The following KMT5B variants were observed in gnomAD, a reference collection of about 807,000 sequenced individuals.
KMT5B encodes lysine methyltransferase 5B.
Under a neutral mutation model 83.2 loss-of-function variants are expected in KMT5B, and 10 were observed. That is an observed-to-expected ratio of 0.12 (90% CI 0.07 to 0.20). The LOEUF is 0.20. KMT5B is among the 10% of genes least tolerant of loss of function. The pLI, the probability that KMT5B is intolerant of heterozygous loss-of-function variation, is 1.00. For synonymous variants in KMT5B, 349 were observed against 388.8 expected (o/e 0.90, Z 1.20); for missense variants, 753 against 1,067.2 (o/e 0.71, Z 4.10).
intron 1 of KMT5B, among the ~76,000 whole-genome samples, chr11:68,209,122 T>A (rs1054601134): frequency 6.6e-6 from 1 of 152,202 alleles, no homozygotes; most frequent in Non-Finnish European, 1.5e-5. Context: ...TTTCTCCATA[T>A]GATGCAACAT....
chr11:68,207,979 C>T (rs1404263588), intron 1 of KMT5B, among the ~76,000 whole-genome samples: 3 of 150,364 alleles, frequency 2.0e-5, no homozygotes, highest in South Asian at 4.2e-4. Context: ...GCAGGAATTA[C>T]AGGTGCCCAC....
Position 68,171,146 on chromosome 11 carries a change from C to A in KMT5B, c.846G>T (p.Val282=). ...NHDCRPNCKF[V]STGRDTACVK... ...CACATGCTGTATCTCGACCAGTTGA[C>A]ACAAACTAAAATAAAAGTAACTCAG... Residue 282 remains valine (V), a synonymous_variant, in exon 9 of 11, where the codon GTG becomes GTT. Transcript: ENST00000304363. This position sits in a 1 kb window ranked among gnomAD's most constrained non-coding sequence, Gnocchi z 5.1. The A allele has an allele frequency of 6.2e-7, 1 of 1,609,092 alleles. No homozygotes were observed. The highest frequency in any genetic ancestry group is 8.5e-7 in the Non-Finnish European group (1 of 1,178,986).
rs999850316 is a variant in KMT5B, at chr11:68,155,196, A to G, written c.*2492T>C. 1 of 152,224 alleles carries G rather than the reference A, an allele frequency of 6.6e-6. No individual in the cohort carries two copies. Among genetic ancestry groups the G allele is most frequent in the African/African-American group, 2.4e-5 (1 of 41,454 alleles). 9.4% of individuals were successfully genotyped at this position (152,224 alleles called of 1,614,324 possible). A position where few individuals can be genotyped will look rare whatever the true frequency, so the allele number is the denominator to read the frequency against. On this transcript the variant is annotated 3_prime_UTR_variant, in exon 11 of 11. Coordinates refer to ENST00000304363, the MANE Select transcript of KMT5B (RefSeq NM_017635.5). ...AGTTTTATTGAATGCAACCTCTTCT[A>G]AACTGGTCAACGGTGTGTGGCTGTC...
In KMT5B at chr11:68,171,841, TGG is replaced by T. The variant is rs140508162; in HGVS notation, c.654-134_654-133del. 1.4e-6 allele frequency: 1 copy of T among 714,296 alleles called. No homozygotes were observed. Among genetic ancestry groups the T allele is most frequent in the Non-Finnish European group, 2.3e-6 (1 of 438,954 alleles). 44.2% of individuals were successfully genotyped at this position (714,296 alleles called of 1,614,324 possible). A position where few individuals can be genotyped will look rare whatever the true frequency, so the allele number is the denominator to read the frequency against. On this transcript the variant is annotated intron_variant, in intron 6 of 10. Coordinates refer to ENST00000304363, the MANE Select transcript of KMT5B (RefSeq NM_017635.5). The surrounding 1 kb of genome is among the most constrained non-coding windows in gnomAD (Gnocchi z 5.1). ...GCTGTCTATACTTTAGTTAGCTCAC[TGG>T]GATCCCCACCTGGCTATCTTCTCTC...
intron 5 of KMT5B, chr11:68,174,345 A>G (rs1269084268): frequency 3.1e-6 from 1 of 321,294 alleles, no homozygotes; most frequent in Non-Finnish European, 6.1e-6. Context: ...GAACACCTCT[A>G]AACAAAAAAT....
chr11:68,197,282 C>CT (rs1189491576), intron 1 of KMT5B, among the ~76,000 whole-genome samples: 1 of 152,242 alleles, frequency 6.6e-6, no homozygotes, highest in Admixed American at 6.5e-5. Flanking sequence ...CATGGAAAGT[C>CT]TTTAAGTCCC....
intron 3 of KMT5B, 108 bp downstream of exon 3, chr11:68,185,673 C>G (rs1230839435): frequency 8.5e-7 from 1 of 1,178,136 alleles, no homozygotes; most frequent in East Asian, 2.5e-5. Context: ...CTGCAAAGAA[C>G]TTTCCTTTAA....
chr11:68,161,455 C>T (rs1177537737), intron 10 of KMT5B, among the ~76,000 whole-genome samples: 3 of 152,062 alleles, frequency 2.0e-5, no homozygotes, highest in Admixed American at 6.5e-5. Flanking sequence ...TTTGATTTCT[C>T]CTCTTTCCAT....
At chr11:68,163,549 C>T (rs1003909130) in intron 10 of KMT5B, among the ~76,000 whole-genome samples, 1 of 152,186 alleles carries the variant, frequency 6.6e-6, no homozygotes, top group Admixed American at 6.5e-5. Context: ...GACAAAAGAG[C>T]TGTGACCGAC....
Position 68,158,986 on chromosome 11 carries a change from A to G in KMT5B, c.1360T>C (p.Leu454=). The G allele has an allele frequency of 6.2e-7, 1 of 1,611,592 alleles. No individual in the cohort carries two copies. Among genetic ancestry groups the G allele is most frequent in the Admixed American group, 1.7e-5 (1 of 59,368 alleles). ...PAKPLLSKIK[L]RNHCKRLEQK... is the part of the protein sequence containing the mutation. ...TCCAGCCGCTTGCAATGATTTCTCAATTTTATCTTTGAAAGTAAAGGCTTT... is the reference window on the plus strand; with the variant it reads ...TCCAGCCGCTTGCAATGATTTCTCAGTTTTATCTTTGAAAGTAAAGGCTTT... Residue 454 remains leucine, a synonymous_variant, in exon 11 of 11, where the codon TTG becomes CTG. Coordinates refer to ENST00000304363, the MANE Select transcript of KMT5B (RefSeq NM_017635.5).
chr11:68,157,666 A>G lies in KMT5B; in HGVS notation c.*22T>C. On this transcript the variant is annotated 3_prime_UTR_variant, in exon 11 of 11. Transcript: ENST00000304363. ...TTTATTTCTTTAAAGTAGTTATCCC[A>G]GGTCAAGTTAAGACCAAGAGCTTAG... 1 of 1,515,934 alleles carries G rather than the reference A, an allele frequency of 6.6e-7. No homozygotes were observed. 93.9% of individuals were successfully genotyped at this position (1,515,934 alleles called of 1,614,324 possible).
chr11:68,159,079 T>G lies in KMT5B; in HGVS notation c.1267A>C (p.Asn423His). 6.2e-7 allele frequency: 1 copy of G among 1,608,370 alleles called. No homozygotes were observed. Among genetic ancestry groups the G allele is most frequent in the Non-Finnish European group, 8.5e-7 (1 of 1,178,490 alleles). The part of the protein sequence containing the change: ...QSMSRIPASS[N>H]STSSKLTHIN... ...TGAGTTAGCTTAGATGAGGTAGAGT[T>G]GGAAGAAGCTGGAATTCTTGACATA... The change falls in exon 11 of 11, where the codon AAC (asparagine) becomes CAC (histidine). Residue 423 changes from asparagine to histidine, a missense_variant. Asn to His is a moderately conservative substitution (Grantham distance 68). Coordinates refer to ENST00000304363, the MANE Select transcript of KMT5B (RefSeq NM_017635.5).
intron 6 of KMT5B, among the ~76,000 whole-genome samples, chr11:68,172,644 G>A (rs909210212): frequency 2.0e-5 from 3 of 152,150 alleles, no homozygotes; most frequent in Admixed American, 6.5e-5. Flanking sequence ...CACTTACAGC[G>A]CTTCTCAATT....
At chr11:68,170,957 C>A (rs983972847) in intron 9 of KMT5B, 58 bp downstream of exon 9, 1 of 1,508,838 alleles carries the variant, frequency 6.6e-7, no homozygotes, top group African/African-American at 1.4e-5. Context: ...AGTTTAATCC[C>A]CATAATCAGG....
intron 3 of KMT5B, among the ~76,000 whole-genome samples, chr11:68,180,798 G>A (rs981880027): frequency 3.0e-4 from 46 of 152,028 alleles, no homozygotes; most frequent in Admixed American, 2.4e-3. Flanking sequence ...AAAATATCCC[G>A]CTCCCACTCC....
At chr11:68,205,307 G>A (rs115513164) in intron 1 of KMT5B, among the ~76,000 whole-genome samples, 130 of 152,044 alleles carry the variant, frequency 8.6e-4, no homozygotes, top group African/African-American at 3.1e-3. Context: ...GACAGAGTGA[G>A]ACCTCACCTT....
intron 4 of KMT5B, among the ~76,000 whole-genome samples, chr11:68,177,630 G>A (rs1263262088): frequency 6.6e-6 from 1 of 151,768 alleles, no homozygotes; most frequent in Non-Finnish European, 1.5e-5. Context: ...ACAACTATTA[G>A]CTGAACCATC....
chr11:68,173,452 A>C (rs1352936181), intron 6 of KMT5B, among the ~76,000 whole-genome samples: 1 of 152,238 alleles, frequency 6.6e-6, no homozygotes, highest in Non-Finnish European at 1.5e-5. Flanking sequence ...AACTAGGATC[A>C]TTAAAACTTT....
chr11:68,160,262 C>T (rs1854738802), intron 10 of KMT5B, among the ~76,000 whole-genome samples: 1 of 152,202 alleles, frequency 6.6e-6, no homozygotes, highest in Admixed American at 6.5e-5. Context: ...TAAGCTGCTC[C>T]TGTAGTGTCT....
Sources: gnomAD v4.1 joint callset for allele counts (sites outside exome capture counted in the v4.1 genomes callset) on GRCh38, gnomAD v4.1.1 for gene constraint, Gnocchi (gnomAD v3.1) non-coding constraint, MANE v1.5 for transcripts, NCBI Gene and HGNC (gene_info 2026-07-23, HGNC 2026-07-21) for gene names.